The following BRD10 variants were observed in gnomAD, a reference collection of about 807,000 sequenced individuals.
BRD10 encodes the protein uncharacterized bromodomain-containing protein 10.
the BRD10 span, chr9:5,920,057 T>A: frequency 5.0e-6 from 8 of 1,613,998 alleles, no homozygotes; most frequent in Non-Finnish European, 6.8e-6. Flanking sequence ...TGGTGATGTA[T>A]GTACTGTGGG....
chr9:5,975,354 G>A, the BRD10 span, among the ~76,000 whole-genome samples: 14 of 145,348 alleles, frequency 9.6e-5, no homozygotes, highest in South Asian at 2.6e-3. Flanking sequence ...CAGAAGAATC[G>A]CTTGAACCTG....
chr9:5,969,155 T>C, the BRD10 span: 16 of 1,613,776 alleles, frequency 9.9e-6, no homozygotes, highest in Middle Eastern at 1.6e-4. Flanking sequence ...AGGTCTTCGA[T>C]GTAAGGTAGG....
chr9:5,922,920 G>C, the BRD10 span: 1 of 1,613,998 alleles, frequency 6.2e-7, no homozygotes, highest in Non-Finnish European at 8.5e-7. Context: ...CCTGTGGAAG[G>C]AGGCAGTTGA....
chr9:5,985,717 G>A, the BRD10 span, among the ~76,000 whole-genome samples: 3 of 151,998 alleles, frequency 2.0e-5, no homozygotes, highest in South Asian at 2.1e-4. Flanking sequence ...CCTGGGAGGC[G>A]GAGGTTGTGG....
the BRD10 span, chr9:5,923,193 T>C: frequency 2.5e-6 from 4 of 1,614,040 alleles, no homozygotes; most frequent in Admixed American, 1.7e-5. Flanking sequence ...TCAGTTTGTT[T>C]GGACTGTCGT....
chr9:6,008,084 C>A, the BRD10 span: 2 of 984,346 alleles, frequency 2.0e-6, no homozygotes, highest in Non-Finnish European at 2.4e-6. Flanking sequence ...CTCACCCCTC[C>A]GCACCCCGCC....
the BRD10 span, among the ~76,000 whole-genome samples, chr9:5,907,371 G>T: frequency 6.6e-6 from 1 of 152,114 alleles, no homozygotes; most frequent in Admixed American, 6.5e-5. Flanking sequence ...CAGAGGGAAG[G>T]GATAAAGTAC....
chr9:5,922,453 A>G, the BRD10 span: 1 of 1,614,032 alleles, frequency 6.2e-7, no homozygotes, highest in South Asian at 1.1e-5. Context: ...GTGGTCTAGC[A>G]CTACTTATAT....
At chr9:5,968,829 T>A in the BRD10 span, 1 of 1,613,780 alleles carries the variant, frequency 6.2e-7, no homozygotes, top group African/African-American at 1.3e-5. Flanking sequence ...ACATAAGCAT[T>A]CTCCAAATAA....
chr9:5,917,685 C>T, the BRD10 span, among the ~76,000 whole-genome samples: 1 of 152,192 alleles, frequency 6.6e-6, no homozygotes, highest in Non-Finnish European at 1.5e-5. Flanking sequence ...AACCCCATCT[C>T]TACTAAAAAT....
chr9:5,913,945 T>C, the BRD10 span: 1 of 436,306 alleles, frequency 2.3e-6, no homozygotes, highest in South Asian at 1.7e-5. Context: ...TACAGGAAGA[T>C]GGCCTCGAGA....
the BRD10 span, among the ~76,000 whole-genome samples, chr9:5,969,989 T>G: frequency 1.2e-3 from 176 of 152,364 alleles, 3 homozygotes; most frequent in Admixed American, 9.3e-3. Flanking sequence ...TTCTTCAATT[T>G]ATAATGTATA....
the BRD10 span, chr9:5,968,259 T>C: frequency 1.9e-6 from 3 of 1,612,758 alleles, no homozygotes; most frequent in Non-Finnish European, 2.5e-6. Flanking sequence ...CTTACAACTT[T>C]GTGGCAGTTA....
At chr9:6,004,650 T>A in the BRD10 span, among the ~76,000 whole-genome samples, 2 of 152,224 alleles carry the variant, frequency 1.3e-5, no homozygotes, top group African/African-American at 4.8e-5. Flanking sequence ...TCTAAGTGAT[T>A]CATTGGTTTC....
chr9:5,964,285 G>T, the BRD10 span, among the ~76,000 whole-genome samples: 1 of 148,816 alleles, frequency 6.7e-6, no homozygotes, highest in Non-Finnish European at 1.5e-5. Context: ...CATTTATGCA[G>T]CCAAAAAACA....
chr9:6,001,900 A>C, the BRD10 span, among the ~76,000 whole-genome samples: 6 of 152,260 alleles, frequency 3.9e-5, no homozygotes, highest in Admixed American at 3.3e-4. Context: ...CTAAAATCTG[A>C]AAGTGATTAT....
the BRD10 span, among the ~76,000 whole-genome samples, chr9:5,912,001 T>C: frequency 6.6e-6 from 1 of 152,276 alleles, no homozygotes; most frequent in African/African-American, 2.4e-5. Flanking sequence ...TTAACAATAA[T>C]TGAGTCTTTC....
the BRD10 span, among the ~76,000 whole-genome samples, chr9:5,951,584 A>G: frequency 3.9e-5 from 6 of 152,214 alleles, no homozygotes; most frequent in African/African-American, 1.4e-4. Flanking sequence ...CCTTGAACAA[A>G]ACAAATAATT....
At chr9:5,952,051 TC>T in the BRD10 span, among the ~76,000 whole-genome samples, 1 of 135,656 alleles carries the variant, frequency 7.4e-6, no homozygotes, top group Non-Finnish European at 1.6e-5. Flanking sequence ...AGACAGAGTT[TC>T]CCTCATTGCC....
Sources: allele counts gnomAD v4.1 joint callset (sites outside exome capture counted in the v4.1 genomes callset), GRCh38; gene constraint gnomAD v4.1.1; transcripts MANE v1.5; gene names NCBI Gene and HGNC (gene_info 2026-07-23, HGNC 2026-07-21).